Variants in RABGAP1L observed in about 807,000 individuals in gnomAD.
The protein encoded by RABGAP1L is rab GTPase-activating protein 1-like.
Under a neutral mutation model 137.7 loss-of-function variants are expected in RABGAP1L, and 63 were observed. That is an observed-to-expected ratio of 0.46 (90% confidence interval 0.37 to 0.56). RABGAP1L has a LOEUF of 0.56. RABGAP1L is among the 20% of genes least tolerant of loss of function. The probability of loss-of-function intolerance (pLI) is 0.00; values close to 1 mark genes in which losing one functional copy is unlikely to be tolerated. For synonymous variants in RABGAP1L, 431 were observed against 433.7 expected (o/e 0.99, Z 0.08); for missense variants, 1,095 against 1,244.0 (o/e 0.88, Z 1.80).
intron 19 of RABGAP1L, chr1:174,874,587 T>G (rs1485581854): frequency 4.8e-5 from 35 of 726,410 alleles, no homozygotes; most frequent in African/African-American, 4.6e-4. Flanking sequence ...CCTTTTTTTT[T>G]TTTTTTTTTT....
At chr1:174,866,780 G>A (rs755294797) in intron 19 of RABGAP1L, among the ~76,000 whole-genome samples, 5 of 151,850 alleles carry the variant, frequency 3.3e-5, no homozygotes, top group African/African-American at 9.7e-5. Context: ...AGGCTTGGTA[G>A]TGCATGCCTG....
intron 13 of RABGAP1L, among the ~76,000 whole-genome samples, chr1:174,485,742 A>G (rs915354392): frequency 1.3e-5 from 2 of 152,204 alleles, no homozygotes; most frequent in Admixed American, 1.3e-4. Context: ...TTGGTCTGCT[A>G]GTGCTTTGCT....
chr1:174,468,753 T>G (rs1243394660), intron 13 of RABGAP1L, among the ~76,000 whole-genome samples: 1 of 152,156 alleles, frequency 6.6e-6, no homozygotes, highest in East Asian at 1.9e-4. Context: ...TCCAGTTTCT[T>G]CTGCTTAGAA....
chr1:174,783,290 C>T (rs142440183), intron 18 of RABGAP1L, among the ~76,000 whole-genome samples: 10 of 152,272 alleles, frequency 6.6e-5, no homozygotes, highest in East Asian at 1.9e-4. Flanking sequence ...CCGTGACTCA[C>T]GGCTTCTAAT....
intron 7 of RABGAP1L, among the ~76,000 whole-genome samples, chr1:174,257,463 G>A (rs1020503123): frequency 6.6e-6 from 1 of 152,080 alleles, no homozygotes; most frequent in East Asian, 1.9e-4. Context: ...TGCTAACTGG[G>A]TAGAACATTT....
rs368076673 is a variant in RABGAP1L, at chr1:174,252,618, A to T, written c.986+28A>T. 35 of 1,597,004 alleles carry T rather than the reference A, an allele frequency of 2.2e-5. No individual in the cohort carries two copies. The African/African-American group carries it at 4.5e-4, about 20-fold the overall frequency. On this transcript the variant is annotated intron_variant, in intron 7 of 25. Transcript: ENST00000681986. The stretch of plus-strand genomic sequence containing the variant: ...AAGCAGCTTGCTCCTAAATGCTACC[A>T]AAAACTTGTATTGACATTGTTACTG...
chr1:174,333,854 T>TTGTA (rs146895073), intron 11 of RABGAP1L, among the ~76,000 whole-genome samples: 1,860 of 152,288 alleles, frequency 0.012, 46 homozygotes, highest in African/African-American at 0.043. Context: ...GTAGTGATTT[T>TTGTA]TGTAGCAAAG....
At chr1:174,506,426 A>C (rs2147784469) in intron 13 of RABGAP1L, among the ~76,000 whole-genome samples, 1 of 152,326 alleles carries the variant, frequency 6.6e-6, no homozygotes, top group South Asian at 2.1e-4. Flanking sequence ...TAATTAAAAC[A>C]AATTTAAAAA....
intron 13 of RABGAP1L, among the ~76,000 whole-genome samples, chr1:174,477,212 G>T (rs1461004232): frequency 6.6e-6 from 1 of 152,164 alleles, no homozygotes; most frequent in Non-Finnish European, 1.5e-5. Flanking sequence ...AATCTCCTTA[G>T]CTAATCTATA....
intron 13 of RABGAP1L, among the ~76,000 whole-genome samples, chr1:174,618,909 G>A (rs944251716): frequency 1.3e-5 from 2 of 152,178 alleles, no homozygotes; most frequent in African/African-American, 4.8e-5. Context: ...TTAGACGAAT[G>A]TATAACTAGA....
chr1:174,265,909 A>AT (rs1173859742), intron 7 of RABGAP1L, among the ~76,000 whole-genome samples: 1 of 151,874 alleles, frequency 6.6e-6, no homozygotes, highest in Non-Finnish European at 1.5e-5. Context: ...TATTTAGGTT[A>AT]TTTTTTTCTT....
chr1:174,476,404 T>C (rs760341542), intron 13 of RABGAP1L, among the ~76,000 whole-genome samples: 8 of 152,220 alleles, frequency 5.3e-5, no homozygotes, highest in Non-Finnish European at 1.0e-4. Context: ...GTAAAAACTT[T>C]TACACTATAA....
At chr1:174,338,775 C>T (rs1388824413) in intron 11 of RABGAP1L, among the ~76,000 whole-genome samples, 2 of 151,870 alleles carry the variant, frequency 1.3e-5, no homozygotes, top group Non-Finnish European at 1.5e-5. Flanking sequence ...TCATATTTAA[C>T]ATTTTTGAAG....
intron 13 of RABGAP1L, among the ~76,000 whole-genome samples, chr1:174,607,088 T>C (rs72715262): frequency 0.21 from 32,315 of 152,082 alleles, 3,754 homozygotes; most frequent in Admixed American, 0.25. Flanking sequence ...TTGTTTCATA[T>C]AATTAAGGAC....
chr1:174,449,090 G>A, intron 13 of RABGAP1L: 1 of 1,614,050 alleles, frequency 6.2e-7, no homozygotes, highest in Non-Finnish European at 8.5e-7. Flanking sequence ...TTTCCGGCTA[G>A]GCCTCCGAAG....
At chr1:174,667,002 A>G (rs924944539) in intron 14 of RABGAP1L, among the ~76,000 whole-genome samples, 1 of 142,906 alleles carries the variant, frequency 7.0e-6, no homozygotes, top group Admixed American at 6.9e-5. Context: ...AAAAAAAAAA[A>G]GTCAAGTATT....
intron 13 of RABGAP1L, among the ~76,000 whole-genome samples, chr1:174,482,039 A>G (rs898068700): frequency 1.3e-5 from 2 of 152,228 alleles, no homozygotes; most frequent in Non-Finnish European, 2.9e-5. Context: ...TGTAATCACA[A>G]ACATCTTTAG....
intron 7 of RABGAP1L, among the ~76,000 whole-genome samples, chr1:174,256,341 A>T (rs1673119658): frequency 6.6e-6 from 1 of 152,156 alleles, no homozygotes. Context: ...ATCTGGAGGC[A>T]GATGGCTATC....
chr1:174,195,176 G>T (rs1444839583), intron 1 of RABGAP1L, among the ~76,000 whole-genome samples: 1 of 152,106 alleles, frequency 6.6e-6, no homozygotes, highest in Non-Finnish European at 1.5e-5. Flanking sequence ...GTTTCTCCCT[G>T]GGAAAGTTTA....
Sources: allele counts gnomAD v4.1 joint callset (sites outside exome capture counted in the v4.1 genomes callset), GRCh38; gene constraint gnomAD v4.1.1; transcripts MANE v1.5; gene names NCBI Gene and HGNC (gene_info 2026-07-23, HGNC 2026-07-21).